NAV1: variants seen among roughly 807,000 people sequenced by gnomAD.
The protein encoded by NAV1 is pore membrane and/or filament interacting like protein 3.
A neutral mutation model predicts 175.2 loss-of-function variants in NAV1; 18 were observed. The observed-to-expected ratio is 0.10, with a 90% confidence interval of 0.07 to 0.15. The LOEUF (loss-of-function observed/expected upper bound fraction) is 0.15, where lower values mean the gene tolerates loss of function less well. NAV1 is among the 10% of genes least tolerant of loss of function. The pLI, the probability that NAV1 is intolerant of heterozygous loss-of-function variation, is 1.00. For synonymous variants in NAV1, 897 were observed against 978.7 expected (o/e 0.92, Z 1.56); for missense variants, 1,731 against 2,436.6 (o/e 0.71, Z 6.10).
At chr1:201,790,411 G>T in intron 11 of NAV1, 143 bp from the exon 16 acceptor site, 1 of 885,652 alleles carries the variant, frequency 1.1e-6, no homozygotes. Flanking sequence ...GCCAGGGCCA[G>T]GAAACAAGAG....
At chr1:201,773,293 C>T (rs1341594506) in intron 3 of NAV1, among the ~76,000 whole-genome samples, 1 of 152,312 alleles carries the variant, frequency 6.6e-6, no homozygotes, top group East Asian at 1.9e-4. Context: ...AAGCAATCCT[C>T]CCTCCTCAGC....
chr1:201,646,657 A>T (rs1571860913), upstream of NAV1, among the ~76,000 whole-genome samples: 1 of 152,080 alleles, frequency 6.6e-6, no homozygotes, highest in African/African-American at 2.4e-5. Flanking sequence ...GATCCCTGTC[A>T]CGGCAGATTT....
Position 201,708,514 on chromosome 1 carries a change from C to T in NAV1, c.758-4303C>T, listed in dbSNP as rs554992012. Reference sequence around the variant, plus strand: ...GGACCCTGTTCTGTAGGAGCTAAGACAGCACGCACTCCCAGGCCCCCAGAG... The same window carrying T: ...GGACCCTGTTCTGTAGGAGCTAAGATAGCACGCACTCCCAGGCCCCCAGAG... On this transcript the variant is annotated intron_variant, in intron 1 of 29. Transcript: ENST00000367296. Among the ~76,000 whole-genome samples, 5 of 152,172 alleles carry T rather than the reference C, an allele frequency of 3.3e-5. No individual in the cohort carries two copies. In the South Asian group the frequency reaches 1.0e-3, roughly 32 times the overall value.
intron 1 of NAV1, among the ~76,000 whole-genome samples, chr1:201,693,653 G>C (rs1042439869): frequency 3.3e-5 from 5 of 152,142 alleles, no homozygotes; most frequent in African/African-American, 1.2e-4. Flanking sequence ...GGTATGACTG[G>C]AATTGGGCAT....
At chr1:201,768,500 C>A (rs777586121) in intron 3 of NAV1, among the ~76,000 whole-genome samples, 13 of 151,688 alleles carry the variant, frequency 8.6e-5, no homozygotes, top group Non-Finnish European at 1.9e-4. Flanking sequence ...TAGCCAGGCG[C>A]AGTGGTGCGC....
intron 1 of NAV1, among the ~76,000 whole-genome samples, chr1:201,670,601 AT>A (rs1312463006): frequency 1.3e-5 from 2 of 151,302 alleles, no homozygotes; most frequent in Non-Finnish European, 2.9e-5. Flanking sequence ...GATGATGGTG[AT>A]TTTTTGTTGA....
chr1:201,757,337 T>C (rs1174287882), intron 3 of NAV1, among the ~76,000 whole-genome samples: 2 of 152,146 alleles, frequency 1.3e-5, no homozygotes, highest in Non-Finnish European at 1.5e-5. Flanking sequence ...CCATAAATCA[T>C]AGCTCACTGT....
intron 2 of NAV1, among the ~76,000 whole-genome samples, chr1:201,595,602 T>C (rs1667327195): frequency 6.6e-6 from 1 of 152,134 alleles, no homozygotes; most frequent in South Asian, 2.1e-4. Context: ...GGGGGCATAG[T>C]GGGGCCAGGG....
rs369650559 is a variant in NAV1 at position 201,655,726 on chromosome 1, G to A, written c.757+6301G>A. ...GATCTCCCATCTGGAGGCTGAGGGA[G>A]GAGCAGAGTTGCACTTAAGGTGTGT... On this transcript the variant is annotated intron_variant, in intron 1 of 29. Transcript: ENST00000367296. 9.2e-5 allele frequency among the ~76,000 whole-genome samples: 14 copies of A among 152,380 alleles called. No individual in the cohort carries two copies. In the East Asian group the frequency reaches 2.5e-3, roughly 27 times the overall value.
exon 1 of NAV1, chr1:201,648,748 C>A (rs999252747): frequency 7.1e-7 from 1 of 1,404,372 alleles, no homozygotes; most frequent in Admixed American, 3.1e-5. Flanking sequence ...GCGGACGAAC[C>A]GCGGGGCGCC....
At chr1:201,737,853 A>G (rs553051243) in intron 3 of NAV1, among the ~76,000 whole-genome samples, 42 of 152,312 alleles carry the variant, frequency 2.8e-4, no homozygotes, top group East Asian at 7.7e-4. Context: ...TTTACTCAGG[A>G]TTCCATGCTG....
chr1:201,614,641 C>T (rs1667951160), intron 2 of NAV1, among the ~76,000 whole-genome samples: 1 of 152,178 alleles, frequency 6.6e-6, no homozygotes, highest in South Asian at 2.1e-4. Flanking sequence ...CAGGTAGCCT[C>T]CATTTGTCCT....
chr1:201,735,792 C>T (rs570828795), intron 3 of NAV1, among the ~76,000 whole-genome samples: 4 of 152,298 alleles, frequency 2.6e-5, no homozygotes, highest in Admixed American at 2.0e-4. Context: ...GTCAAGGTCA[C>T]GACAGATGAT....
exon 30 of NAV1, chr1:201,821,880 G>A (rs1405463129): frequency 3.3e-5 from 5 of 152,222 alleles, no homozygotes; most frequent in Non-Finnish European, 7.3e-5. Context: ...TCAAGGATAT[G>A]TGATGAGCAC....
intron 1 of NAV1, among the ~76,000 whole-genome samples, chr1:201,550,626 G>A (rs191476958): frequency 3.3e-5 from 5 of 152,344 alleles, no homozygotes; most frequent in African/African-American, 1.2e-4. Context: ...ATGCATTTTT[G>A]TGAAAGCTAA....
chr1:201,651,121 C>CTGTGTGTGTG (rs1558038098), intron 1 of NAV1, among the ~76,000 whole-genome samples: 1 of 35,692 alleles, frequency 2.8e-5, no homozygotes, highest in African/African-American at 7.6e-5. Context: ...GAGGAAGGGA[C>CTGTGTGTGTG]CGTGTGTGTG....
At chr1:201,658,094 T>C (rs1298133015) in intron 1 of NAV1, among the ~76,000 whole-genome samples, 1 of 152,132 alleles carries the variant, frequency 6.6e-6, no homozygotes. Context: ...GATTTAAACT[T>C]AACCCCTATG....
chr1:201,800,931 C>T (rs1203438620), intron 15 of NAV1, among the ~76,000 whole-genome samples: 1 of 148,282 alleles, frequency 6.7e-6, no homozygotes, highest in Non-Finnish European at 1.5e-5. Context: ...TGGGTTCAAG[C>T]GATCCTCCTG....
At chr1:201,556,207 T>A (rs1571818727) in intron 1 of NAV1, among the ~76,000 whole-genome samples, 1 of 151,492 alleles carries the variant, frequency 6.6e-6, no homozygotes, top group Non-Finnish European at 1.5e-5. Flanking sequence ...AGCCCAGGAG[T>A]TTGAGACCAC....
Sources: gnomAD v4.1 joint callset for allele counts (sites outside exome capture counted in the v4.1 genomes callset) on GRCh38, gnomAD v4.1.1 for gene constraint, MANE v1.5 for transcripts, NCBI Gene and HGNC (gene_info 2026-07-23, HGNC 2026-07-21) for gene names.